Variants in ADGRB1 observed in about 807,000 individuals in gnomAD.
The protein encoded by ADGRB1 is brain-specific angiogenesis inhibitor 1.
ADGRB1 carries 36 observed loss-of-function variants against 175.7 expected under a neutral mutation model. The ratio of observed to expected loss-of-function variants is 0.20; its 90% CI spans 0.16 to 0.27. The LOEUF (loss-of-function observed/expected upper bound fraction) is 0.27, where lower values mean the gene tolerates loss of function less well. Ranked by LOEUF, ADGRB1 falls within the 10% of genes least tolerant of loss-of-function variation. The pLI is 1.00. For missense variants in ADGRB1, 1,731 were observed against 2,255.3 expected (o/e 0.77, Z 4.71); for synonymous variants, 1,054 against 979.4 (o/e 1.08, Z -1.42).
At chr8:142,468,245 CAT>C (rs941456813) in intron 2 of ADGRB1, among the ~76,000 whole-genome samples, 2 of 151,938 alleles carry the variant, frequency 1.3e-5, no homozygotes, top group South Asian at 2.1e-4. Context: ...GTACATTACT[CAT>C]GTGCGTGTGT....
chr8:142,495,083 G>C (rs369032396), intron 17 of ADGRB1, among the ~76,000 whole-genome samples: 35 of 152,168 alleles, frequency 2.3e-4, no homozygotes, highest in African/African-American at 8.0e-4. Flanking sequence ...TGGTTTATGA[G>C]CAAGGCAGTG....
At chr8:142,487,246 C>T (rs1359762913) in intron 13 of ADGRB1, among the ~76,000 whole-genome samples, 1 of 152,186 alleles carries the variant, frequency 6.6e-6, no homozygotes, top group Non-Finnish European at 1.5e-5. Flanking sequence ...CCCACCCCTT[C>T]GCCTGCTCCA....
chr8:142,451,855 G>A (rs999383070), intron 1 of ADGRB1, among the ~76,000 whole-genome samples: 6 of 152,178 alleles, frequency 3.9e-5, no homozygotes, highest in Non-Finnish European at 8.8e-5. Flanking sequence ...GGCTGCCGAG[G>A]AGGCAACGAG....
chr8:142,453,474 G>A (rs1299079244), intron 1 of ADGRB1, among the ~76,000 whole-genome samples: 1 of 152,176 alleles, frequency 6.6e-6, no homozygotes, highest in African/African-American at 2.4e-5. Flanking sequence ...GGGCCCGCGA[G>A]CCCACGCCCT....
At position 142,510,035 on chromosome 8, in the gene ADGRB1, T is replaced by G. The variant is rs990971123; in HGVS notation, c.2676-897T>G. On this transcript the variant is annotated intron_variant, in intron 17 of 30. Transcript: ENST00000517894. The surrounding 1 kb of genome is among the most constrained non-coding windows in gnomAD (Gnocchi z 6.3). ...CGGACAGGAGGGCTGCCTTGAAGGG[T>G]GGGGGAATTCGGCTCCAAAGCAGGA... Among the ~76,000 whole-genome samples the G allele has an allele frequency of 4.1e-5, 6 of 147,820 alleles. No individual in the cohort carries two copies. The East Asian group carries it at 1.2e-3, about 30-fold the overall frequency.
chr8:142,456,406 GCATGCACACACCCTGCA>G, intron 1 of ADGRB1, among the ~76,000 whole-genome samples: 1 of 152,126 alleles, frequency 6.6e-6, no homozygotes, highest in East Asian at 1.9e-4. Flanking sequence ...CACAAAAGGA[GCATGCACACACCCTGCA>G]CGTGCACACA....
chr8:142,535,531 G>A (rs574897452), intron 25 of ADGRB1, among the ~76,000 whole-genome samples: 3 of 152,272 alleles, frequency 2.0e-5, no homozygotes, highest in Admixed American at 6.5e-5. Flanking sequence ...CCTCAGCCTC[G>A]GGGGTGGTGG....
intron 24 of ADGRB1, among the ~76,000 whole-genome samples, chr8:142,532,445 G>C (rs1037574342): frequency 3.9e-5 from 6 of 152,206 alleles, no homozygotes; most frequent in Non-Finnish European, 7.4e-5. Context: ...CTGCTGTGAG[G>C]CTCCTGGAGG....
At chr8:142,451,607 G>A (rs1587227517) in intron 1 of ADGRB1, among the ~76,000 whole-genome samples, 1 of 152,206 alleles carries the variant, frequency 6.6e-6, no homozygotes, top group Admixed American at 6.5e-5. Context: ...CTGCTCTCCC[G>A]CTCCATCCTG....
In ADGRB1 at chr8:142,514,932, C is replaced by T. The variant is rs554888241; in HGVS notation, c.2818-3206C>T. On this transcript the variant is annotated intron_variant, in intron 18 of 30. Coordinates refer to ENST00000517894, the MANE Select transcript of ADGRB1 (RefSeq NM_001702.3). The stretch of plus-strand genomic sequence containing the variant: ...TTTGTGGGCATTTGGGAGCCATAGA[C>T]GGTGTTGGGGCAGTGGCAGGACGAA... Among the ~76,000 whole-genome samples the T allele has an allele frequency of 2.0e-4, 31 of 152,152 alleles. No individual in the cohort carries two copies. The East Asian group carries it at 3.3e-3, about 16-fold the overall frequency.
At chr8:142,506,242 G>A (rs974966568) in intron 17 of ADGRB1, among the ~76,000 whole-genome samples, 2 of 152,222 alleles carry the variant, frequency 1.3e-5, no homozygotes, top group Non-Finnish European at 2.9e-5. Flanking sequence ...CTGCAGAGGG[G>A]TGGGCAGTGG....
chr8:142,450,703 C>T (rs983455901), intron 1 of ADGRB1, among the ~76,000 whole-genome samples: 1 of 152,188 alleles, frequency 6.6e-6, no homozygotes, highest in Non-Finnish European at 1.5e-5. Flanking sequence ...TCTCGAAGCC[C>T]TCGCTCGTAG....
At chr8:142,508,789 C>T (rs1022937290) in intron 17 of ADGRB1, among the ~76,000 whole-genome samples, 1 of 152,226 alleles carries the variant, frequency 6.6e-6, no homozygotes, top group African/African-American at 2.4e-5. Context: ...TCTGTGGCTT[C>T]CTTTTACGGA....
chr8:142,526,901 G>A (rs1048739170), intron 24 of ADGRB1, among the ~76,000 whole-genome samples: 1 of 152,232 alleles, frequency 6.6e-6, no homozygotes, highest in African/African-American at 2.4e-5. Flanking sequence ...GGGACACCCC[G>A]CCTCTGCCTG....
At chr8:142,466,548 G>T (rs551708245) in intron 2 of ADGRB1, among the ~76,000 whole-genome samples, 2 of 152,328 alleles carry the variant, frequency 1.3e-5, no homozygotes, top group Non-Finnish European at 2.9e-5. Context: ...AAGTGGTCAT[G>T]CTGTGTCAGG....
At chr8:142,515,587 G>T (rs548392545) in intron 18 of ADGRB1, among the ~76,000 whole-genome samples, 54 of 152,234 alleles carry the variant, frequency 3.5e-4, no homozygotes, top group Non-Finnish European at 5.9e-4. Context: ...GTGGCCAGCC[G>T]GCCTCAGGCC....
At chr8:142,528,506 G>A (rs1025540083) in intron 24 of ADGRB1, among the ~76,000 whole-genome samples, 3 of 152,182 alleles carry the variant, frequency 2.0e-5, no homozygotes, top group Non-Finnish European at 4.4e-5. Context: ...CGAGAGCAGG[G>A]CGCTTGCTTT....
intron 1 of ADGRB1, among the ~76,000 whole-genome samples, chr8:142,454,835 A>G (rs1007626400): frequency 6.6e-6 from 1 of 152,136 alleles, no homozygotes; most frequent in Non-Finnish European, 1.5e-5. Context: ...AGCAACAAAA[A>G]ATAGGATCAG....
intron 24 of ADGRB1, among the ~76,000 whole-genome samples, chr8:142,528,841 C>T (rs565097964): frequency 6.6e-6 from 1 of 152,268 alleles, no homozygotes; most frequent in Non-Finnish European, 1.5e-5. Context: ...TGCTCTAGGC[C>T]TGGCAGCACA....
Sources: allele counts gnomAD v4.1 joint callset (sites outside exome capture counted in the v4.1 genomes callset), GRCh38; gene constraint gnomAD v4.1.1; non-coding constraint Gnocchi (gnomAD v3.1); transcripts MANE v1.5; gene names NCBI Gene and HGNC (gene_info 2026-07-23, HGNC 2026-07-21).